Variants in SVIL observed in about 807,000 individuals in gnomAD.
SVIL encodes the protein supervillin.
SVIL carries 101 observed loss-of-function variants against 240.4 expected under a neutral mutation model. The ratio of observed to expected loss-of-function variants is 0.42; its 90% CI spans 0.36 to 0.50. The LOEUF (loss-of-function observed/expected upper bound fraction) is 0.50. SVIL is among the 20% of genes least tolerant of loss of function. The pLI, the probability that SVIL is intolerant of heterozygous loss-of-function variation, is 0.01. For synonymous variants in SVIL, 999 were observed against 1,100.0 expected (o/e 0.91, Z 1.82); for missense variants, 2,512 against 2,818.7 (o/e 0.89, Z 2.46).
At chr10:29,534,415 C>T (rs920955164) in intron 7 of SVIL, among the ~76,000 whole-genome samples, 1 of 152,038 alleles carries the variant, frequency 6.6e-6, no homozygotes, top group African/African-American at 2.4e-5. Flanking sequence ...AGGCAGGAGG[C>T]CCACTTGAAT....
intron 16 of SVIL, among the ~76,000 whole-genome samples, chr10:29,516,862 A>T (rs1235960687): frequency 6.6e-5 from 10 of 152,314 alleles, no homozygotes; most frequent in East Asian, 3.9e-4. Context: ...GAACAAGGAC[A>T]TCAGGCTCAG....
In SVIL at chr10:29,551,244, C is replaced by G; in HGVS notation, c.180G>C (p.Glu60Asp). 2.5e-6 allele frequency: 4 copies of G among 1,600,316 alleles called. No individual in the cohort carries two copies. Among genetic ancestry groups the G allele is most frequent in the Non-Finnish European group, 3.4e-6 (4 of 1,174,022 alleles). The change falls in exon 6 of 38, where the codon GAG becomes GAC. Residue 60 changes from glutamate (E) to aspartate (D), a missense_variant. Transcript: ENST00000355867. ...SPHIGRSNEE[E>D]ETSDSSLEKQ... Reference sequence around the variant, plus strand: ...TTTCTAGAGAAGAATCAGAAGTTTCCTCCTCTTCATTTGATCGGCCTACAA... The same window carrying G: ...TTTCTAGAGAAGAATCAGAAGTTTCGTCCTCTTCATTTGATCGGCCTACAA...
chr10:29,725,589 C>T (rs1231801564), intron 1 of SVIL, among the ~76,000 whole-genome samples: 1 of 152,102 alleles, frequency 6.6e-6, no homozygotes, highest in South Asian at 2.1e-4. Flanking sequence ...TCCCCTTCTG[C>T]AGGCCTGAAA....
chr10:29,582,731 C>CTAATAATAA (rs61441935), intron 1 of SVIL, among the ~76,000 whole-genome samples: 13,261 of 142,676 alleles, frequency 0.093, 737 homozygotes, highest in African/African-American at 0.14. Flanking sequence ...GACCCTGTCT[C>CTAATAATAA]TAATAATAAT....
intron 17 of SVIL, among the ~76,000 whole-genome samples, chr10:29,506,526 G>T (rs1158394047): frequency 6.6e-6 from 1 of 152,172 alleles, no homozygotes; most frequent in African/African-American, 2.4e-5. Context: ...ATAACTGCTG[G>T]TGCTGCTGGA....
chr10:29,663,091 C>G (rs184142532), intron 2 of SVIL, among the ~76,000 whole-genome samples: 2 of 152,206 alleles, frequency 1.3e-5, no homozygotes, highest in South Asian at 4.1e-4. Context: ...CCAGCCTGGG[C>G]AACAGAATAA....
chr10:29,732,300 C>T (rs1448681805), intron 1 of SVIL, among the ~76,000 whole-genome samples: 2 of 151,928 alleles, frequency 1.3e-5, no homozygotes, highest in Non-Finnish European at 2.9e-5. Flanking sequence ...TTGCTTTAGT[C>T]CATATCAATT....
At position 29,735,023 on chromosome 10, in the gene SVIL, T is replaced by C. The variant is rs576800768; in HGVS notation, c.-400+728A>G. Among the ~76,000 whole-genome samples the C allele has an allele frequency of 7.7e-4, 117 of 152,318 alleles. No homozygotes were observed. Among genetic ancestry groups the C allele is most frequent in the Non-Finnish European group, 1.4e-3 (92 of 68,030 alleles). On this transcript the variant is annotated intron_variant, in intron 1 of 35. Transcript: ENST00000375400. This position sits in a 1 kb window ranked among gnomAD's most constrained non-coding sequence, Gnocchi z 4.1. ...CTCTTAATCCCGCACCTGACCCAGA[T>C]TGCGGCCTGGACTGGAGCCTCCCCG...
chr10:29,656,635 C>T (rs529969250), intron 3 of SVIL, among the ~76,000 whole-genome samples: 100 of 152,258 alleles, frequency 6.6e-4, no homozygotes, highest in African/African-American at 1.7e-3. Context: ...AAAATGTGGA[C>T]GCTGATTCAA....
intron 3 of SVIL, among the ~76,000 whole-genome samples, chr10:29,649,416 C>T (rs1028367497): frequency 6.6e-6 from 1 of 152,180 alleles, no homozygotes; most frequent in African/African-American, 2.4e-5. Flanking sequence ...CAAGCAATTA[C>T]AACCACAAAG....
intron 1 of SVIL, among the ~76,000 whole-genome samples, chr10:29,606,986 C>G (rs1398382454): frequency 1.3e-5 from 2 of 152,174 alleles, no homozygotes; most frequent in Non-Finnish European, 2.9e-5. Flanking sequence ...AACTCCTGAC[C>G]TCAGGTGATC....
At chr10:29,541,608 G>A (rs1049519909) in intron 6 of SVIL, among the ~76,000 whole-genome samples, 5 of 152,120 alleles carry the variant, frequency 3.3e-5, no homozygotes, top group East Asian at 1.9e-4. Context: ...TGCTGTAACC[G>A]CAGCCCAGAA....
Position 29,550,666 on chromosome 10 carries a change from G to A in SVIL, c.758C>T (p.Ser253Phe), listed in dbSNP as rs138266854. ...GCTCCGGGAGGCTGCCTGCTGCAGGGAGGAGCTGTGGGCGTGCTTGGGGGA... is the reference window on the plus strand; with the variant it reads ...GCTCCGGGAGGCTGCCTGCTGCAGGAAGGAGCTGTGGGCGTGCTTGGGGGA... Reference protein sequence around the residue: ...PRSPKHAHSSSLQQAASRSPS... With the variant: ...PRSPKHAHSSFLQQAASRSPS... The change falls in exon 6 of 38, where the codon TCC (serine) becomes TTC (phenylalanine). Residue 253 changes from serine (S) to phenylalanine (F), a missense_variant. Transcript: ENST00000355867. 3 of 1,614,030 alleles carry A rather than the reference G, an allele frequency of 1.9e-6. No homozygotes were observed. Among genetic ancestry groups the A allele is most frequent in the African/African-American group, 1.3e-5 (1 of 75,044 alleles).
intron 1 of SVIL, among the ~76,000 whole-genome samples, chr10:29,619,807 A>G (rs1957561658): frequency 1.3e-5 from 2 of 152,244 alleles, no homozygotes; most frequent in Non-Finnish European, 2.9e-5. Context: ...TTTTCTCCTC[A>G]TTACAAACTA....
chr10:29,637,559 TC>T (rs1958352615), upstream of SVIL, among the ~76,000 whole-genome samples: 2 of 152,176 alleles, frequency 1.3e-5, no homozygotes, highest in African/African-American at 4.8e-5. Context: ...ACTACAGTAA[TC>T]AAGACAACAC....
Position 29,697,021 on chromosome 10 carries a change from C to G in SVIL, c.-399-10370G>C, listed in dbSNP as rs866428155. On this transcript the variant is annotated intron_variant, in intron 1 of 35. Transcript: ENST00000375400. ...CCCCGTCCGGGAGGGAGGTGGGGGGCTCAGCCCCCCGCCCGGCCAGCCGCC... is the reference window on the plus strand; with the variant it reads ...CCCCGTCCGGGAGGGAGGTGGGGGGGTCAGCCCCCCGCCCGGCCAGCCGCC... Among the ~76,000 whole-genome samples, 224 of 115,954 alleles carry G rather than the reference C, an allele frequency of 1.9e-3. 1 individual carries two copies. The highest frequency in any genetic ancestry group is 6.6e-3 in the African/African-American group (192 of 29,124). The allele number at this position is 115,954 out of a possible 152,430, so 76.1% of individuals were successfully genotyped here.
At position 29,534,538 on chromosome 10, in the gene SVIL, T is replaced by G. The variant is rs151254615; in HGVS notation, c.909-1080A>C. On this transcript the variant is annotated intron_variant, in intron 7 of 37. Transcript: ENST00000355867. ...AAATAAAATAAAAATAAAGAGAGAT[T>G]GCTCCAGTTGTTTCTAAAGTTATTC... Among the ~76,000 whole-genome samples, 7 of 152,304 alleles carry G rather than the reference T, an allele frequency of 4.6e-5. No individual in the cohort carries two copies. The East Asian group carries it at 1.4e-3, about 29-fold the overall frequency.
intron 3 of SVIL, among the ~76,000 whole-genome samples, chr10:29,648,985 A>C (rs912269523): frequency 1.3e-5 from 2 of 152,030 alleles, no homozygotes; most frequent in African/African-American, 4.8e-5. Flanking sequence ...CACAAAAAAA[A>C]CAAAAAACAA....
At chr10:29,568,118 A>T (rs1194850889) in intron 2 of SVIL, among the ~76,000 whole-genome samples, 1 of 152,236 alleles carries the variant, frequency 6.6e-6, no homozygotes, top group African/African-American at 2.4e-5. Context: ...CCCATTAAAA[A>T]AGTGACGTTT....
Sources: allele counts gnomAD v4.1 joint callset (sites outside exome capture counted in the v4.1 genomes callset), GRCh38; gene constraint gnomAD v4.1.1; non-coding constraint Gnocchi (gnomAD v3.1); transcripts MANE v1.5; gene names NCBI Gene and HGNC (gene_info 2026-07-23, HGNC 2026-07-21).